Variants in PRORP observed in about 807,000 individuals in gnomAD.
The protein encoded by PRORP is protein only RNase P catalytic subunit, also known as mitochondrial ribonuclease P catalytic subunit.
Under a neutral mutation model 59.4 loss-of-function variants are expected in PRORP, and 51 were observed. That is an observed-to-expected ratio of 0.86 (90% CI 0.69 to 1.08). PRORP has a LOEUF of 1.08. Among genes scored for constraint, PRORP ranks in the 50% least tolerant of loss-of-function variants. The pLI, the probability that PRORP is intolerant of heterozygous loss-of-function variation, is 0.00. For synonymous variants in PRORP, 231 were observed against 245.6 expected (o/e 0.94, Z 0.55); for missense variants, 646 against 690.3 (o/e 0.94, Z 0.72).
At chr14:35,121,948 T>C, upstream of PRORP, 1 of 1,614,192 alleles carries the variant, frequency 6.2e-7, no homozygotes, top group Non-Finnish European at 8.5e-7. Context: ...GAAGAACTTC[T>C]TTCCAGTCCA....
chr14:35,143,177 C>T (rs951334292), intron 4 of PRORP, among the ~76,000 whole-genome samples: 1 of 145,792 alleles, frequency 6.9e-6, no homozygotes, highest in Admixed American at 7.1e-5. Flanking sequence ...TTAAGCGAGA[C>T]AGTCTCTCTC....
At chr14:35,227,361 G>A (rs1038506993) in intron 5 of PRORP, among the ~76,000 whole-genome samples, 3 of 151,528 alleles carry the variant, frequency 2.0e-5, no homozygotes, top group African/African-American at 2.4e-5. Flanking sequence ...GGAGAATGGC[G>A]AGAACGTGGG....
chr14:35,126,646 G>A lies in PRORP; in HGVS notation c.987-89G>A, dbSNP rs181447788. On this transcript the variant is annotated intron_variant, in intron 2 of 7. Coordinates refer to ENST00000534898, the MANE Select transcript of PRORP (RefSeq NM_014672.4). ...GTATCTTGAACTTTTCGGACTTCTT[G>A]CTTATAAGAGTTTCCAAATACCATG... The A allele has an allele frequency of 1.5e-4, 147 of 994,002 alleles. No homozygotes were observed. The East Asian group carries it at 2.0e-3, about 14-fold the overall frequency. 61.6% of individuals were successfully genotyped at this position (994,002 alleles called of 1,614,324 possible).
At position 35,123,859 on chromosome 14, in the gene PRORP, A is replaced by G; in HGVS notation, c.614A>G (p.Tyr205Cys). The G allele has an allele frequency of 6.2e-7, 1 of 1,614,150 alleles. No individual in the cohort carries two copies. Among genetic ancestry groups the G allele is most frequent in the Non-Finnish European group, 8.5e-7 (1 of 1,180,020 alleles). Residue 205 changes from tyrosine (Y) to cysteine (C), a missense_variant, in exon 2 of 8, where the codon TAT becomes TGT. Physicochemically the swap from Tyr to Cys is radical, Grantham distance 194. Transcript: ENST00000534898. Reference sequence around the variant, plus strand: ...GTCTTTGAAATTATGAAAGCCAGATATAAGACTTTAGAACCTAGAGGTTAC... The same window carrying G: ...GTCTTTGAAATTATGAAAGCCAGATGTAAGACTTTAGAACCTAGAGGTTAC... The part of the protein sequence containing the change: ...IDVFEIMKAR[Y>C]KTLEPRGYSL...
intron 5 of PRORP, among the ~76,000 whole-genome samples, chr14:35,241,534 C>CA (rs2050369331): frequency 6.6e-6 from 1 of 152,166 alleles, no homozygotes; most frequent in Admixed American, 6.5e-5. Flanking sequence ...TTTCATCTCT[C>CA]ACTGTTGCTG....
chr14:35,123,169 C>T lies in PRORP; in HGVS notation c.-77C>T, dbSNP rs1298547061. On this transcript the variant is annotated 5_prime_UTR_variant, in exon 2 of 8. Coordinates refer to ENST00000534898, the MANE Select transcript of PRORP (RefSeq NM_014672.4). ...ACTTCGACTCTGCACCGCCGACCCCCAATCTCTTTAATTTTGCCATAGAAG... is the reference window on the plus strand; with the variant it reads ...ACTTCGACTCTGCACCGCCGACCCCTAATCTCTTTAATTTTGCCATAGAAG... 12 of 1,452,866 alleles carry T rather than the reference C, an allele frequency of 8.3e-6. No individual in the cohort carries two copies. The highest frequency in any genetic ancestry group is 2.5e-4 in the Middle Eastern group (1 of 3,992). The allele number at this position is 1,452,866 out of a possible 1,614,324, so 90.0% of individuals were successfully genotyped here.
At chr14:35,239,431 A>G (rs2050304781) in intron 5 of PRORP, among the ~76,000 whole-genome samples, 1 of 152,124 alleles carries the variant, frequency 6.6e-6, no homozygotes, top group African/African-American at 2.4e-5. Flanking sequence ...AAAACAAACA[A>G]TATTTTTTCA....
intron 4 of PRORP, among the ~76,000 whole-genome samples, chr14:35,148,908 T>G (rs2138878729): frequency 6.9e-6 from 1 of 144,224 alleles, no homozygotes; most frequent in Admixed American, 7.2e-5. Flanking sequence ...GTTGCACTTT[T>G]TAATTTTTTT....
intron 4 of PRORP, among the ~76,000 whole-genome samples, chr14:35,130,210 T>G (rs1360265552): frequency 6.6e-6 from 1 of 151,968 alleles, no homozygotes; most frequent in African/African-American, 2.4e-5. Flanking sequence ...TTTTTGTATT[T>G]TTTAGTTGAG....
intron 4 of PRORP, among the ~76,000 whole-genome samples, chr14:35,172,269 G>A (rs956835181): frequency 6.6e-6 from 1 of 151,598 alleles, no homozygotes; most frequent in Non-Finnish European, 1.5e-5. Context: ...GGCTGGTGTC[G>A]AACTCCTGAC....
At chr14:35,262,786 C>T in intron 5 of PRORP, 2 of 1,268,210 alleles carry the variant, frequency 1.6e-6, no homozygotes, top group Non-Finnish European at 2.3e-6. Context: ...GAGAATGGGT[C>T]TCTTGTTGAA....
intron 2 of PRORP, 98 bp from the exon 3 acceptor site, chr14:35,126,637 G>A (rs1279041013): frequency 2.2e-6 from 2 of 889,936 alleles, no homozygotes; most frequent in Non-Finnish European, 1.7e-6. Context: ...TGAACTTTTC[G>A]GACTTCTTGC....
In PRORP at chr14:35,180,673, C is replaced by A; in HGVS notation, c.1171C>A (p.Leu391Ile). ...DQYRKTTPQE[L>I]KRFENFIKSR... ...TTGTCTGACATTTCTTTATTAGGAA[C>A]TTAAGAGATTTGAGAACTTCATAAA... is the stretch of plus-strand genomic sequence containing the variant. The change falls in exon 5 of 8, where the codon CTT becomes ATT. Residue 391 changes from leucine to isoleucine, a missense_variant. Leu to Ile is a conservative substitution (Grantham distance 5). Coordinates refer to ENST00000534898, the MANE Select transcript of PRORP (RefSeq NM_014672.4). The A allele has an allele frequency of 1.3e-6, 2 of 1,595,696 alleles. No individual in the cohort carries two copies. The highest frequency in any genetic ancestry group is 2.2e-5 in the South Asian group (2 of 90,390).
intron 5 of PRORP, among the ~76,000 whole-genome samples, chr14:35,214,487 C>A (rs1167836031): frequency 2.6e-5 from 4 of 152,192 alleles, no homozygotes; most frequent in African/African-American, 9.7e-5. Flanking sequence ...TAGACAAATG[C>A]AGAGGTTGTG....
intron 5 of PRORP, among the ~76,000 whole-genome samples, chr14:35,247,367 G>A (rs987713298): frequency 2.0e-5 from 3 of 151,968 alleles, no homozygotes; most frequent in Non-Finnish European, 4.4e-5. Context: ...ATTATAAGGT[G>A]TCTTTTTATA....
chr14:35,219,224 T>G (rs902232046), intron 5 of PRORP: 1 of 152,224 alleles, frequency 6.6e-6, no homozygotes, highest in Non-Finnish European at 1.5e-5. Flanking sequence ...ACCACTGGTG[T>G]TTCCCAGTCC....
At chr14:35,158,216 C>A in intron 4 of PRORP, 1 of 262,708 alleles carries the variant, frequency 3.8e-6, no homozygotes. Context: ...TCTTAGTAAG[C>A]CCTTATTTGT....
In PRORP at chr14:35,145,128, G is replaced by C. The variant is rs566760353; in HGVS notation, c.1167+17517G>C. Among the ~76,000 whole-genome samples, 392 of 144,184 alleles carry C rather than the reference G, an allele frequency of 2.7e-3. 15 individuals are homozygous for C. Among genetic ancestry groups the C allele is most frequent in the African/African-American group, 8.4e-3 (344 of 40,890 alleles). The allele number at this position is 144,184 out of a possible 152,430, so 94.6% of individuals were successfully genotyped here. ...TAAGACTACAGGCACACACCACCAC[G>C]ACCAGCTAATTTTTTAATTTTTTGT... On this transcript the variant is annotated intron_variant, in intron 4 of 7. Coordinates refer to ENST00000534898, the MANE Select transcript of PRORP (RefSeq NM_014672.4).
chr14:35,238,077 G>A (rs1297311126), intron 5 of PRORP, among the ~76,000 whole-genome samples: 1 of 151,376 alleles, frequency 6.6e-6, no homozygotes, highest in Non-Finnish European at 1.5e-5. Flanking sequence ...TTTATGTGAA[G>A]GGCCAGAAAC....
Sources: gnomAD v4.1 joint callset for allele counts (sites outside exome capture counted in the v4.1 genomes callset) on GRCh38, gnomAD v4.1.1 for gene constraint, MANE v1.5 for transcripts, NCBI Gene and HGNC (gene_info 2026-07-23, HGNC 2026-07-21) for gene names.